Variants in RASGRF2 observed in about 807,000 individuals in gnomAD.
RASGRF2 encodes Ras protein specific guanine nucleotide releasing factor 2.
In RASGRF2, 76 loss-of-function variants were observed where a neutral mutation model predicts 151.0. That is an observed-to-expected ratio of 0.50 (90% CI 0.42 to 0.61). RASGRF2 has a LOEUF of 0.61. Ranked by LOEUF, RASGRF2 falls within the 20% of genes least tolerant of loss-of-function variation. The pLI is 0.00. For synonymous variants in RASGRF2, 504 were observed against 566.5 expected, an observed-to-expected ratio of 0.89 and a Z score of 1.57; for missense variants, 1,148 against 1,564.6, an observed-to-expected ratio of 0.73 and a Z score of 4.49.
At chr5:81,080,900 C>A in intron 7 of RASGRF2, 111 bp downstream of exon 7, 1 of 940,332 alleles carries the variant, frequency 1.1e-6, no homozygotes, top group Non-Finnish European at 1.6e-6. Context: ...AATTATGGCA[C>A]AGATGTACCA....
At chr5:81,057,603 C>T (rs1432248193) in intron 2 of RASGRF2, among the ~76,000 whole-genome samples, 1 of 152,056 alleles carries the variant, frequency 6.6e-6, no homozygotes. Context: ...CAAGGTGATG[C>T]TTCGGTACAC....
Position 81,225,838 on chromosome 5 carries a change from C to G in RASGRF2, c.*68C>G. The G allele has an allele frequency of 6.5e-7, 1 of 1,540,370 alleles. No individual in the cohort carries two copies. Among genetic ancestry groups the G allele is most frequent in the Non-Finnish European group, 8.8e-7 (1 of 1,135,406 alleles). ...GCAGGACAGACAGAATTGTGTATGCCTTGCCTATCACGGTACAGCACGAAG... is the reference window on the plus strand; with the variant it reads ...GCAGGACAGACAGAATTGTGTATGCGTTGCCTATCACGGTACAGCACGAAG... On this transcript the variant is annotated 3_prime_UTR_variant, in exon 27 of 27. Transcript: ENST00000265080.
intron 15 of RASGRF2, among the ~76,000 whole-genome samples, chr5:81,119,201 C>T (rs1753239331): frequency 6.6e-6 from 1 of 152,214 alleles, no homozygotes; most frequent in African/African-American, 2.4e-5. Flanking sequence ...TTCGTTATAG[C>T]AGTAACCTCA....
At chr5:81,215,150 C>T (rs999340402) in intron 23 of RASGRF2, among the ~76,000 whole-genome samples, 1 of 152,074 alleles carries the variant, frequency 6.6e-6, no homozygotes, top group Admixed American at 6.5e-5. Flanking sequence ...ACCAGCCTGG[C>T]CAACATCGTG....
At chr5:80,993,158 A>AG (rs1748708907) in intron 1 of RASGRF2, among the ~76,000 whole-genome samples, 1 of 152,164 alleles carries the variant, frequency 6.6e-6, no homozygotes, top group South Asian at 2.1e-4. Context: ...GCTTTTCTAT[A>AG]GGGGCCCAAA....
At chr5:81,202,275 T>C (rs1755414602) in intron 19 of RASGRF2, among the ~76,000 whole-genome samples, 1 of 152,202 alleles carries the variant, frequency 6.6e-6, no homozygotes. Flanking sequence ...GTCTGGTACT[T>C]CTTTACCACT....
intron 17 of RASGRF2, among the ~76,000 whole-genome samples, chr5:81,168,775 C>T (rs559609774): frequency 6.6e-6 from 1 of 152,366 alleles, no homozygotes; most frequent in Non-Finnish European, 1.5e-5. Flanking sequence ...GAATGACTGA[C>T]CCAGGTCACT....
rs111688009 is a variant in RASGRF2, at chr5:81,037,472, T to C, written c.289-5405T>C. Among the ~76,000 whole-genome samples, 89 of 152,328 alleles carry C rather than the reference T, an allele frequency of 5.8e-4. 1 individual carries two copies. The highest frequency in any genetic ancestry group is 2.0e-3 in the African/African-American group (83 of 41,592). ...TATTTTCTGTCTCTCTCTGGAAGAT[T>C]GTAGGATCCTCTTTTTGTCAGTCCT... On this transcript the variant is annotated intron_variant, in intron 1 of 26. Transcript: ENST00000265080.
intron 1 of RASGRF2, among the ~76,000 whole-genome samples, chr5:81,017,406 A>G (rs1749673290): frequency 6.6e-6 from 1 of 152,178 alleles, no homozygotes. Flanking sequence ...CTCCTGCTGA[A>G]CCACACTTGG....
chr5:81,030,706 G>A (rs1046663912), intron 1 of RASGRF2, among the ~76,000 whole-genome samples: 2 of 152,164 alleles, frequency 1.3e-5, no homozygotes, highest in Non-Finnish European at 2.9e-5. Flanking sequence ...AGGCCAAATT[G>A]TAAAGACCAT....
chr5:81,174,681 A>C (rs1172677778), intron 17 of RASGRF2, among the ~76,000 whole-genome samples: 1 of 150,976 alleles, frequency 6.6e-6, no homozygotes, highest in Non-Finnish European at 1.5e-5. Context: ...AGTCACTTTT[A>C]AACTTTTTTA....
At chr5:81,027,482 T>A (rs1333619835) in intron 1 of RASGRF2, among the ~76,000 whole-genome samples, 1 of 152,214 alleles carries the variant, frequency 6.6e-6, no homozygotes, top group African/African-American at 2.4e-5. Flanking sequence ...CCCTCGCTCC[T>A]GGCAACCACT....
chr5:80,985,232 A>AAAC (rs1050532727), intron 1 of RASGRF2, among the ~76,000 whole-genome samples: 2 of 152,120 alleles, frequency 1.3e-5, no homozygotes, highest in South Asian at 4.1e-4. Context: ...ACAACAACAA[A>AAAC]AACAACAACA....
chr5:81,189,668 T>G (rs1755111741), intron 18 of RASGRF2, among the ~76,000 whole-genome samples: 1 of 150,570 alleles, frequency 6.6e-6, no homozygotes, highest in African/African-American at 2.4e-5. Context: ...CACAGATAAT[T>G]TTATACAATC....
chr5:80,969,467 G>A (rs1257495049), intron 1 of RASGRF2, among the ~76,000 whole-genome samples: 6 of 93,500 alleles, frequency 6.4e-5, no homozygotes, highest in African/African-American at 2.6e-4. Flanking sequence ...TTTTTTTTTT[G>A]AGACAGAGTC....
At chr5:81,101,410 T>A (rs1310536382) in intron 12 of RASGRF2, among the ~76,000 whole-genome samples, 11 of 152,002 alleles carry the variant, frequency 7.2e-5, no homozygotes, top group African/African-American at 2.7e-4. Context: ...AAGTCCCAAA[T>A]GGAAGTAAGA....
intron 17 of RASGRF2, among the ~76,000 whole-genome samples, chr5:81,151,123 A>G (rs1754123505): frequency 6.6e-6 from 1 of 152,210 alleles, no homozygotes; most frequent in Non-Finnish European, 1.5e-5. Context: ...TCTGTTTACA[A>G]TTAGCTAAGT....
At chr5:81,125,044 C>A (rs1277688242) in intron 16 of RASGRF2, among the ~76,000 whole-genome samples, 1 of 152,118 alleles carries the variant, frequency 6.6e-6, no homozygotes, top group South Asian at 2.1e-4. Context: ...TGGGCCACCA[C>A]GCCCAGCAGT....
chr5:80,974,979 G>C (rs1230160677), intron 1 of RASGRF2, among the ~76,000 whole-genome samples: 1 of 152,126 alleles, frequency 6.6e-6, no homozygotes, highest in African/African-American at 2.4e-5. Flanking sequence ...GGTTTTCTGA[G>C]AGCTTGTCTA....
Sources: gnomAD v4.1 joint callset for allele counts (sites outside exome capture counted in the v4.1 genomes callset) on GRCh38, gnomAD v4.1.1 for gene constraint, MANE v1.5 for transcripts, NCBI Gene and HGNC (gene_info 2026-07-23, HGNC 2026-07-21) for gene names.